Variants in BTRC observed in about 807,000 individuals in gnomAD.
BTRC encodes F-box/WD repeat-containing protein 1A.
A neutral mutation model predicts 85.5 loss-of-function variants in BTRC; 42 were observed. That is an observed-to-expected ratio of 0.49 (90% CI 0.38 to 0.64). The LOEUF (loss-of-function observed/expected upper bound fraction) is 0.64, where lower values mean the gene tolerates loss of function less well. Ranked by LOEUF, BTRC falls within the 30% of genes least tolerant of loss-of-function variation. The probability of loss-of-function intolerance (pLI) is 0.00; values close to 1 mark genes in which losing one functional copy is unlikely to be tolerated. For missense variants in BTRC, 594 were observed against 743.5 expected (o/e 0.80, Z 2.34); for synonymous variants, 255 against 263.3 (o/e 0.97, Z 0.30).
chr10:101,532,783 T>C (rs140004702), intron 8 of BTRC, among the ~76,000 whole-genome samples, 169 bp from the exon 9 acceptor site: 7,622 of 80,004 alleles, frequency 0.095, 277 homozygotes, highest in African/African-American at 0.1. Context: ...TGTGTGTGTG[T>C]GTGTGTGCGC....
intron 4 of BTRC, among the ~76,000 whole-genome samples, chr10:101,517,936 G>A (rs1032650340): frequency 1.4e-4 from 19 of 135,154 alleles, no homozygotes; most frequent in Admixed American, 5.5e-4. Flanking sequence ...TTTTTGAGAC[G>A]GAGTCTCGCT....
At chr10:101,360,675 G>C (rs948026965) in intron 1 of BTRC, among the ~76,000 whole-genome samples, 7 of 151,994 alleles carry the variant, frequency 4.6e-5, no homozygotes, top group Non-Finnish European at 8.8e-5. Context: ...CTGGCCTCTA[G>C]AGATGGGATC....
chr10:101,476,355 T>G (rs1332691453), intron 3 of BTRC, among the ~76,000 whole-genome samples: 1 of 152,232 alleles, frequency 6.6e-6, no homozygotes, highest in Non-Finnish European at 1.5e-5. Flanking sequence ...GAGTAAGTTC[T>G]GTACTTTATA....
chr10:101,505,157 G>GTA (rs36139179), intron 4 of BTRC, among the ~76,000 whole-genome samples: 10,312 of 118,636 alleles, frequency 0.087, 541 homozygotes, highest in African/African-American at 0.14. Context: ...ATATGTATAT[G>GTA]TATATATATA....
chr10:101,480,536 G>T (rs1210717227), intron 4 of BTRC, among the ~76,000 whole-genome samples: 1 of 152,190 alleles, frequency 6.6e-6, no homozygotes, highest in Non-Finnish European at 1.5e-5. Flanking sequence ...GAAGAGACTA[G>T]CTAGATATCC....
chr10:101,475,942 T>A (rs1564795632), intron 3 of BTRC, among the ~76,000 whole-genome samples: 1 of 129,818 alleles, frequency 7.7e-6, no homozygotes, highest in Non-Finnish European at 1.7e-5. Flanking sequence ...TATATATATA[T>A]ATATATATAT....
intron 4 of BTRC, among the ~76,000 whole-genome samples, chr10:101,480,710 TCA>T (rs2134228907): frequency 1.3e-5 from 2 of 152,272 alleles, no homozygotes; most frequent in South Asian, 4.1e-4. Flanking sequence ...TGGAAATGTA[TCA>T]CACAAAATAT....
chr10:101,417,039 A>G (rs183931070), intron 1 of BTRC, among the ~76,000 whole-genome samples: 13 of 152,330 alleles, frequency 8.5e-5, no homozygotes, highest in Non-Finnish European at 1.0e-4. Flanking sequence ...CTTGAGAATA[A>G]GGTTCTGACA....
chr10:101,473,510 G>C (rs1486482064), intron 3 of BTRC, among the ~76,000 whole-genome samples: 1 of 103,728 alleles, frequency 9.6e-6, no homozygotes, highest in Non-Finnish European at 1.8e-5. Context: ...TCAATCTGTT[G>C]CCCAGGCTGG....
chr10:101,477,437 T>A (rs1945719131), intron 3 of BTRC, among the ~76,000 whole-genome samples: 1 of 152,224 alleles, frequency 6.6e-6, no homozygotes, highest in African/African-American at 2.4e-5. Flanking sequence ...CAGTAATTAA[T>A]AAGTTTGCTT....
chr10:101,537,050 T>C (rs3095800), intron 12 of BTRC, among the ~76,000 whole-genome samples: 96,164 of 152,012 alleles, frequency 0.63, 31,658 homozygotes, highest in East Asian at 0.85. Flanking sequence ...GAATTTTGAT[T>C]TCTTGGGTTT....
intron 5 of BTRC, among the ~76,000 whole-genome samples, chr10:101,524,202 T>C (rs1295183208): frequency 2.0e-5 from 3 of 152,218 alleles, no homozygotes; most frequent in African/African-American, 7.2e-5. Context: ...TTTACCTATA[T>C]CTTTTGTTAA....
intron 13 of BTRC, among the ~76,000 whole-genome samples, chr10:101,547,654 A>G (rs973038308): frequency 3.9e-5 from 6 of 152,016 alleles, no homozygotes; most frequent in Middle Eastern, 3.2e-3. Flanking sequence ...TGGTCTTATT[A>G]TTGCCCTTAT....
At chr10:101,510,254 A>G (rs1946666642) in intron 4 of BTRC, among the ~76,000 whole-genome samples, 2 of 152,186 alleles carry the variant, frequency 1.3e-5, no homozygotes, top group Admixed American at 6.5e-5. Context: ...CACGCCTGTA[A>G]TCCCAGCACT....
intron 13 of BTRC, among the ~76,000 whole-genome samples, chr10:101,539,395 C>G (rs976921680): frequency 2.0e-5 from 3 of 152,162 alleles, no homozygotes; most frequent in Non-Finnish European, 4.4e-5. Flanking sequence ...ATTCTTGGCT[C>G]TGGAGAAGAG....
intron 1 of BTRC, among the ~76,000 whole-genome samples, chr10:101,388,151 A>G (rs1470853523): frequency 6.6e-6 from 1 of 152,066 alleles, no homozygotes; most frequent in East Asian, 1.9e-4. Flanking sequence ...ACTTTTAGCT[A>G]GGAAAGATGG....
chr10:101,361,544 A>G (rs1455383255), intron 1 of BTRC, among the ~76,000 whole-genome samples: 1 of 152,248 alleles, frequency 6.6e-6, no homozygotes, highest in African/African-American at 2.4e-5. Flanking sequence ...TAATAAGTCA[A>G]TCTCAGCATT....
At position 101,554,226 on chromosome 10, in the gene BTRC, C is replaced by CA. The variant is rs2134498727; in HGVS notation, c.*1104dup. The CA allele has an allele frequency of 6.6e-6, 1 of 152,322 alleles. No individual in the cohort carries two copies. Among genetic ancestry groups the CA allele is most frequent in the East Asian group, 1.9e-4 (1 of 5,188 alleles). The allele number at this position is 152,322 out of a possible 1,614,324, so 9.4% of individuals were successfully genotyped here. On this transcript the variant is annotated 3_prime_UTR_variant, in exon 15 of 15. Transcript: ENST00000370187. ...AAAAGCATTGTACTTCATCTTAAATCACTGGTAAGGCTCAGCCTACAGAAA... is the reference window on the plus strand; with the variant it reads ...AAAAGCATTGTACTTCATCTTAAATCAACTGGTAAGGCTCAGCCTACAGAAA...
intron 1 of BTRC, among the ~76,000 whole-genome samples, chr10:101,401,005 G>A (rs976110953): frequency 2.0e-5 from 3 of 152,098 alleles, no homozygotes; most frequent in African/African-American, 7.2e-5. Flanking sequence ...ATCAGAAATT[G>A]TGTAACCCCA....
Sources: allele counts gnomAD v4.1 joint callset (sites outside exome capture counted in the v4.1 genomes callset), GRCh38; gene constraint gnomAD v4.1.1; transcripts MANE v1.5; gene names NCBI Gene and HGNC (gene_info 2026-07-23, HGNC 2026-07-21).